Variants in PRKG1 observed in about 807,000 individuals in gnomAD.
PRKG1 encodes the protein protein kinase cGMP-dependent 1, also known as cGMP-dependent protein kinase 1.
A neutral mutation model predicts 88.1 loss-of-function variants in PRKG1; 35 were observed. That is an observed-to-expected ratio of 0.40 (90% confidence interval 0.30 to 0.53). PRKG1 has a LOEUF of 0.53. Ranked by LOEUF, PRKG1 falls within the 20% of genes least tolerant of loss-of-function variation. The pLI, the probability that PRKG1 is intolerant of heterozygous loss-of-function variation, is 0.59. For synonymous variants in PRKG1, 303 were observed against 292.5 expected, an observed-to-expected ratio of 1.04 and a Z score of -0.37; for missense variants, 540 against 839.8, an observed-to-expected ratio of 0.64 and a Z score of 4.41.
At chr10:51,262,047 C>T (rs1008923153) in intron 2 of PRKG1, among the ~76,000 whole-genome samples, 3 of 151,660 alleles carry the variant, frequency 2.0e-5, no homozygotes, top group Non-Finnish European at 4.4e-5. Context: ...CCACTATGCC[C>T]GGCTAAATTT....
chr10:51,237,998 T>C (rs1020589386), intron 2 of PRKG1, among the ~76,000 whole-genome samples: 2 of 152,194 alleles, frequency 1.3e-5, no homozygotes, highest in Non-Finnish European at 2.9e-5. Flanking sequence ...GTGGAAATGG[T>C]AAGATTGTCA....
chr10:52,113,191 A>G (rs58339586), intron 7 of PRKG1, among the ~76,000 whole-genome samples: 10,569 of 152,274 alleles, frequency 0.069, 643 homozygotes, highest in East Asian at 0.36. Flanking sequence ...GTTTACTAAA[A>G]TGTGCATAGT....
At chr10:51,238,167 C>T (rs1237938892) in intron 2 of PRKG1, among the ~76,000 whole-genome samples, 8 of 151,396 alleles carry the variant, frequency 5.3e-5, no homozygotes, top group African/African-American at 2.0e-4. Context: ...TTCACTGTAG[C>T]CAGGAAAGCA....
intron 3 of PRKG1, among the ~76,000 whole-genome samples, chr10:51,594,025 C>T (rs928344618): frequency 4.5e-4 from 69 of 151,870 alleles, no homozygotes; most frequent in African/African-American, 1.4e-3. Context: ...CGTGCCTGTA[C>T]CCCCCATTTT....
chr10:51,981,366 A>G (rs1844005376), intron 5 of PRKG1, among the ~76,000 whole-genome samples: 1 of 152,144 alleles, frequency 6.6e-6, no homozygotes, highest in South Asian at 2.1e-4. Context: ...TGGGTGGATC[A>G]CCTGAGATCA....
chr10:51,788,230 T>C (rs146629744), intron 3 of PRKG1, among the ~76,000 whole-genome samples: 1 of 152,300 alleles, frequency 6.6e-6, no homozygotes, highest in African/African-American at 2.4e-5. Context: ...ATGATCAGTT[T>C]TCATATTGCA....
chr10:52,071,170 G>A (rs1406285473), intron 7 of PRKG1, among the ~76,000 whole-genome samples: 1 of 151,710 alleles, frequency 6.6e-6, no homozygotes, highest in East Asian at 1.9e-4. Context: ...TGATTCAGAA[G>A]GTACATGTGC....
intron 9 of PRKG1, among the ~76,000 whole-genome samples, chr10:52,248,633 A>G (rs1298252491): frequency 1.3e-5 from 2 of 152,188 alleles, no homozygotes; most frequent in East Asian, 3.9e-4. Context: ...TATTTTAACT[A>G]TAATTGGTAC....
intron 3 of PRKG1, among the ~76,000 whole-genome samples, chr10:51,489,194 A>G (rs1181802246): frequency 6.6e-6 from 1 of 152,160 alleles, no homozygotes; most frequent in Non-Finnish European, 1.5e-5. Flanking sequence ...TTACAGCCCA[A>G]TGTGATAAGG....
intron 3 of PRKG1, among the ~76,000 whole-genome samples, chr10:51,701,058 T>G (rs560986633): frequency 6.6e-6 from 1 of 152,208 alleles, no homozygotes; most frequent in African/African-American, 2.4e-5. Flanking sequence ...TTTTATATTT[T>G]TTATAAGTCG....
chr10:51,640,905 C>G (rs566146394), intron 3 of PRKG1, among the ~76,000 whole-genome samples: 1 of 152,260 alleles, frequency 6.6e-6, no homozygotes, highest in South Asian at 2.1e-4. Context: ...ATCCAAGTCT[C>G]TCTTTTGTAT....
At chr10:52,124,163 A>G (rs1463353422) in intron 7 of PRKG1, among the ~76,000 whole-genome samples, 1 of 152,144 alleles carries the variant, frequency 6.6e-6, no homozygotes, top group African/African-American at 2.4e-5. Flanking sequence ...GCTACTTAGA[A>G]TGGTGTGCAA....
intron 1 of PRKG1, among the ~76,000 whole-genome samples, chr10:51,047,893 C>G (rs1231078538): frequency 1.3e-5 from 2 of 152,140 alleles, no homozygotes; most frequent in African/African-American, 2.4e-5. Flanking sequence ...TATAAAATAA[C>G]ATGCTTGGCC....
At chr10:51,339,547 G>T (rs1248994130) in intron 2 of PRKG1, among the ~76,000 whole-genome samples, 1 of 151,504 alleles carries the variant, frequency 6.6e-6, no homozygotes, top group Admixed American at 6.6e-5. Flanking sequence ...AAACAAAAAA[G>T]AAAGTAAATA....
intron 5 of PRKG1, among the ~76,000 whole-genome samples, chr10:52,012,245 C>CTTTTTTT (rs34119029): frequency 5.0e-5 from 7 of 139,186 alleles, no homozygotes; most frequent in African/African-American, 1.4e-4. Context: ...ATTTATTTGC[C>CTTTTTTT]TTTTTTTTTT....
intron 2 of PRKG1, among the ~76,000 whole-genome samples, chr10:51,294,988 G>A (rs187786552): frequency 1.3e-5 from 2 of 152,006 alleles, no homozygotes; most frequent in African/African-American, 4.8e-5. Context: ...GAGACTGAGG[G>A]GGGAGGATTG....
chr10:51,312,895 G>A (rs1841227752), intron 2 of PRKG1, among the ~76,000 whole-genome samples: 1 of 152,064 alleles, frequency 6.6e-6, no homozygotes, highest in Admixed American at 6.5e-5. Context: ...AGGCCATACG[G>A]TGACATTTAA....
intron 3 of PRKG1, among the ~76,000 whole-genome samples, chr10:51,537,622 G>A (rs1031784954): frequency 6.6e-6 from 1 of 151,668 alleles, no homozygotes; most frequent in African/African-American, 2.4e-5. Context: ...CAGCTACTCT[G>A]GAGGCTGAGG....
intron 9 of PRKG1, among the ~76,000 whole-genome samples, chr10:52,199,948 G>A (rs913336797): frequency 3.9e-5 from 6 of 152,054 alleles, no homozygotes; most frequent in Non-Finnish European, 8.8e-5. Context: ...TTGAACACTT[G>A]GTTTGTGCCA....
Sources: allele counts gnomAD v4.1 joint callset (sites outside exome capture counted in the v4.1 genomes callset), GRCh38; gene constraint gnomAD v4.1.1; transcripts MANE v1.5; gene names NCBI Gene and HGNC (gene_info 2026-07-23, HGNC 2026-07-21).